ABCA1: variants seen among roughly 807,000 people sequenced by gnomAD.
ABCA1 encodes the protein phospholipid-transporting ATPase ABCA1.
ABCA1 carries 133 observed loss-of-function variants against 262.5 expected under a neutral mutation model. The observed-to-expected ratio is 0.51, with a 90% CI of 0.44 to 0.59. The LOEUF (loss-of-function observed/expected upper bound fraction) is 0.59. Among genes scored for constraint, ABCA1 ranks in the 20% least tolerant of loss-of-function variants. The pLI is 0.00. For missense variants in ABCA1, 2,452 were observed against 2,777.5 expected (o/e 0.88, Z 2.63); for synonymous variants, 1,022 against 1,043.5 (o/e 0.98, Z 0.40).
At chr9:104,843,301 A>G (rs576539663) in intron 8 of ABCA1, among the ~76,000 whole-genome samples, 7 of 152,300 alleles carry the variant, frequency 4.6e-5, no homozygotes, top group Non-Finnish European at 1.5e-5. Context: ...TGCTGGGTGG[A>G]CATCTGAGAT....
intron 5 of ABCA1, among the ~76,000 whole-genome samples, chr9:104,874,198 C>A (rs568497535): frequency 3.3e-5 from 5 of 152,298 alleles, no homozygotes; most frequent in East Asian, 1.9e-4. Flanking sequence ...TCCAGTATAA[C>A]CCTGGGGACT....
chr9:104,872,521 C>T (rs1293571462), intron 5 of ABCA1, among the ~76,000 whole-genome samples: 2 of 152,190 alleles, frequency 1.3e-5, no homozygotes, highest in Admixed American at 1.3e-4. Flanking sequence ...ATTACCCTTT[C>T]GAGCCTCGGT....
intron 30 of ABCA1, 41 bp from the exon 31 acceptor site, chr9:104,806,471 G>C: frequency 6.2e-7 from 1 of 1,605,698 alleles, no homozygotes; most frequent in Non-Finnish European, 8.5e-7. Context: ...ACCAGAGATG[G>C]CCTGGCCTTT....
rs745563092 is a variant in ABCA1 at position 104,837,525 on chromosome 9, G to A, written c.1097C>T (p.Pro366Leu). 1 of 1,614,180 alleles carries A rather than the reference G, an allele frequency of 6.2e-7. No homozygotes were observed. Among genetic ancestry groups the A allele is most frequent in the East Asian group, 2.2e-5 (1 of 44,878 alleles). The change falls in exon 10 of 50, where the codon CCT (proline) becomes CTT (leucine). Residue 366 changes from proline (P) to leucine (L), a missense_variant. By Grantham distance (98) the Pro-to-Leu change is moderately conservative. Transcript: ENST00000374736. ...NDLMKNLESS[P>L]LSRIIWKALK... ...AGCTTTCCAGATAATGCGGGAAAGAGGACTAGACTCCAAATTCTTCATCAA... is the reference window on the plus strand; with the variant it reads ...AGCTTTCCAGATAATGCGGGAAAGAAGACTAGACTCCAAATTCTTCATCAA...
chr9:104,865,933 G>A (rs1488627212), intron 5 of ABCA1, among the ~76,000 whole-genome samples: 1 of 152,164 alleles, frequency 6.6e-6, no homozygotes, highest in Non-Finnish European at 1.5e-5. Context: ...ATCAATTCAA[G>A]AAGGCAGAAG....
intron 45 of ABCA1, 35 bp from the exon 46 acceptor site, chr9:104,788,089 G>C: frequency 1.2e-6 from 2 of 1,608,720 alleles, no homozygotes; most frequent in Non-Finnish European, 1.7e-6. Flanking sequence ...CTTTGGTCTG[G>C]CTTGGGAATT....
rs149430321 is a variant in ABCA1, at chr9:104,895,421, C to A, written c.67-6226G>T. ...CTACGAAGTTCAGCAGCATCCCTGA[C>A]CTCAACCTCTAAATATCAGCACATA... is the stretch of plus-strand genomic sequence containing the variant. On this transcript the variant is annotated intron_variant, in intron 2 of 49. Transcript: ENST00000374736. Among the ~76,000 whole-genome samples the A allele has an allele frequency of 4.5e-3, 686 of 152,206 alleles. 5 individuals carry two copies. Among genetic ancestry groups the A allele is most frequent in the Middle Eastern group, 6.8e-3 (2 of 294 alleles).
chr9:104,895,039 C>T (rs1840074217), intron 2 of ABCA1, among the ~76,000 whole-genome samples: 2 of 152,192 alleles, frequency 1.3e-5, no homozygotes, highest in African/African-American at 4.8e-5. Context: ...TCCTCCTTCT[C>T]TAAGCTTAGC....
At chr9:104,875,734 G>A (rs1232851639) in intron 5 of ABCA1, among the ~76,000 whole-genome samples, 3 of 152,142 alleles carry the variant, frequency 2.0e-5, no homozygotes, top group South Asian at 2.1e-4. Flanking sequence ...GTCCTCACTG[G>A]AGAAGGCAAG....
At chr9:104,906,960 T>C (rs4100654) in intron 1 of ABCA1, among the ~76,000 whole-genome samples, 12,587 of 152,108 alleles carry the variant, frequency 0.083, 581 homozygotes, top group Middle Eastern at 0.13. Flanking sequence ...CCCAACCATT[T>C]GTCACAGAGC....
At chr9:104,848,571 C>G (rs1053519757) in intron 7 of ABCA1, among the ~76,000 whole-genome samples, 1 of 150,272 alleles carries the variant, frequency 6.7e-6, no homozygotes, top group Non-Finnish European at 1.5e-5. Context: ...GCCAAGATGG[C>G]GCCAATACAC....
chr9:104,882,056 A>AAAAAAAAAAAAAAAAAAAAAAAAAAAAC (rs910844455), intron 5 of ABCA1, among the ~76,000 whole-genome samples: 1 of 144,536 alleles, frequency 6.9e-6, no homozygotes, highest in Non-Finnish European at 1.5e-5. Context: ...AAAAAAAAAA[A>AAAAAAAAAAAAAAAAAAAAAAAAAAAAC]ACTCAAATCT....
chr9:104,904,343 G>A (rs1840917115), intron 1 of ABCA1, among the ~76,000 whole-genome samples: 1 of 152,138 alleles, frequency 6.6e-6, no homozygotes, highest in East Asian at 1.9e-4. Context: ...GCCGAGGCAG[G>A]CGGATCACGA....
At chr9:104,924,854 T>A (rs569057381) in intron 1 of ABCA1, among the ~76,000 whole-genome samples, 1 of 152,246 alleles carries the variant, frequency 6.6e-6, no homozygotes, top group East Asian at 1.9e-4. Flanking sequence ...AAAAAAAATT[T>A]AAATGGAAAA....
chr9:104,854,705 A>C (rs533741554), intron 7 of ABCA1, among the ~76,000 whole-genome samples: 3 of 152,330 alleles, frequency 2.0e-5, no homozygotes, highest in South Asian at 2.1e-4. Context: ...AGACAAAAGA[A>C]GCCCCTGCCA....
intron 25 of ABCA1, 140 bp from the exon 26 acceptor site, chr9:104,814,615 T>C (rs1831573720): frequency 2.3e-6 from 2 of 878,544 alleles, no homozygotes; most frequent in East Asian, 5.3e-5. Context: ...TAATAACACT[T>C]TCTCAGAGTT....
In ABCA1 at chr9:104,913,731, G is replaced by C. The variant is rs564897764; in HGVS notation, c.-92-9960C>G. ...ATACTATTTTCTCTACATTCTCACA[G>C]AGGTTGCACCTATCCTCCATAGCAC... On this transcript the variant is annotated intron_variant, in intron 1 of 49. Coordinates refer to ENST00000374736, the MANE Select transcript of ABCA1 (RefSeq NM_005502.4). 5.9e-5 allele frequency among the ~76,000 whole-genome samples: 9 copies of C among 152,268 alleles called. No individual in the cohort carries two copies. The East Asian group carries it at 1.7e-3, about 29-fold the overall frequency.
intron 5 of ABCA1, among the ~76,000 whole-genome samples, chr9:104,882,028 T>TAAAAAAAAAAA (rs557626075): frequency 6.9e-4 from 51 of 73,744 alleles, no homozygotes; most frequent in East Asian, 1.1e-3. Flanking sequence ...TCTGTAGCCT[T>TAAAAAAAAAAA]AAAAAAAAAA....
At chr9:104,857,630 C>T (rs941223330) in intron 7 of ABCA1, among the ~76,000 whole-genome samples, 2 of 152,168 alleles carry the variant, frequency 1.3e-5, no homozygotes, top group African/African-American at 4.8e-5. Context: ...GGTCCAGAAA[C>T]TGAGTATTCT....
Sources: gnomAD v4.1 joint callset for allele counts (sites outside exome capture counted in the v4.1 genomes callset) on GRCh38, gnomAD v4.1.1 for gene constraint, MANE v1.5 for transcripts, NCBI Gene and HGNC (gene_info 2026-07-23, HGNC 2026-07-21) for gene names.